The following MAPRE2 variants were observed in gnomAD, a reference collection of about 807,000 sequenced individuals.
MAPRE2 encodes the protein microtubule associated protein RP/EB family member 2.
A neutral mutation model predicts 43.2 loss-of-function variants in MAPRE2; 13 were observed. The observed-to-expected ratio is 0.30, with a 90% CI of 0.20 to 0.48. MAPRE2 has a LOEUF of 0.48. Ranked by LOEUF, MAPRE2 falls within the 20% of genes least tolerant of loss-of-function variation. MAPRE2 has a pLI of 0.99. For missense variants in MAPRE2, 161 were observed against 400.2 expected (o/e 0.40, Z 5.10); for synonymous variants, 135 against 148.8 (o/e 0.91, Z 0.68).
At chr18:35,015,051 C>T (rs1383723438) in intron 2 of MAPRE2, among the ~76,000 whole-genome samples, 1 of 152,156 alleles carries the variant, frequency 6.6e-6, no homozygotes, top group Non-Finnish European at 1.5e-5. Context: ...TGCTGTCTCA[C>T]AGGCCAATGC....
At chr18:35,037,150 G>C (rs1455533595), upstream of MAPRE2, among the ~76,000 whole-genome samples, 1 of 134,148 alleles carries the variant, frequency 7.5e-6, no homozygotes, top group African/African-American at 2.7e-5. Context: ...GTTCCTTGAA[G>C]TGAAAGCCTG....
At chr18:35,122,770 A>C (rs1490027903) in intron 4 of MAPRE2, among the ~76,000 whole-genome samples, 1 of 152,166 alleles carries the variant, frequency 6.6e-6, no homozygotes, top group Non-Finnish European at 1.5e-5. Context: ...TGTGTGTGCC[A>C]GTGGGAAAGC....
rs1910608344 is a variant in MAPRE2, at chr18:35,140,959, A to G, written c.*590A>G. The G allele has an allele frequency of 6.6e-6, 1 of 152,428 alleles. No homozygotes were observed. 9.4% of individuals were successfully genotyped at this position (152,428 alleles called of 1,614,324 possible). ...CTCTACTCACAATACTAAAGGGAAA[A>G]AATGGATTCAAAGCTAGGATTTCAG... On this transcript the variant is annotated 3_prime_UTR_variant, in exon 7 of 7. Transcript: ENST00000300249.
intron 3 of MAPRE2, among the ~76,000 whole-genome samples, chr18:35,098,699 G>A (rs1316381128): frequency 6.6e-6 from 1 of 151,918 alleles, no homozygotes; most frequent in Non-Finnish European, 1.5e-5. Flanking sequence ...AATACCTCTT[G>A]TGTCTTTTTC....
chr18:35,059,861 T>A (rs1906431702), intron 1 of MAPRE2, among the ~76,000 whole-genome samples: 1 of 152,116 alleles, frequency 6.6e-6, no homozygotes, highest in Non-Finnish European at 1.5e-5. Flanking sequence ...CATTTGTTTC[T>A]TATTATGAGA....
chr18:35,062,597 G>A (rs1265864498), intron 1 of MAPRE2, among the ~76,000 whole-genome samples: 1 of 152,178 alleles, frequency 6.6e-6, no homozygotes, highest in Non-Finnish European at 1.5e-5. Flanking sequence ...CCTTGACCTG[G>A]ACCGAGCGAA....
At chr18:35,083,131 A>G (rs1907721246) in intron 2 of MAPRE2, among the ~76,000 whole-genome samples, 2 of 152,204 alleles carry the variant, frequency 1.3e-5, no homozygotes, top group Non-Finnish European at 2.9e-5. Context: ...ATCTTTTCAG[A>G]TTCTTACCTT....
rs1418652037 is a variant in MAPRE2 at position 35,142,817 on chromosome 18, CATT to C, written c.*2452_*2454del. On this transcript the variant is annotated 3_prime_UTR_variant, in exon 7 of 7. Coordinates refer to ENST00000300249, the MANE Select transcript of MAPRE2 (RefSeq NM_014268.4). ...TCATTTCCCATGGATGGTGGGACCC[CATT>C]ATTCTCTCATCTCGGCATTCAGGGA... 1 of 152,154 alleles carries C rather than the reference CATT, an allele frequency of 6.6e-6. No individual in the cohort carries two copies. The highest frequency in any genetic ancestry group is 6.6e-5 in the Admixed American group (1 of 15,266). 9.4% of individuals were successfully genotyped at this position (152,154 alleles called of 1,614,324 possible).
intron 1 of MAPRE2, among the ~76,000 whole-genome samples, chr18:34,995,877 A>G (rs1427274425): frequency 1.3e-5 from 2 of 152,028 alleles, no homozygotes; most frequent in Non-Finnish European, 2.9e-5. Flanking sequence ...GTGCCTTGCA[A>G]CTCAAGGTGT....
At chr18:35,091,639 G>A (rs1474540612) in intron 2 of MAPRE2, among the ~76,000 whole-genome samples, 2 of 152,080 alleles carry the variant, frequency 1.3e-5, no homozygotes, top group Non-Finnish European at 2.9e-5. Flanking sequence ...AATGCTGGAG[G>A]GGACTGCAGC....
intron 1 of MAPRE2, among the ~76,000 whole-genome samples, chr18:34,997,952 T>C (rs529957375): frequency 6.6e-6 from 1 of 152,364 alleles, no homozygotes; most frequent in South Asian, 2.1e-4. Context: ...TATTTTCAAG[T>C]TGTATATGTT....
chr18:35,030,058 C>A (rs1173557320), intron 2 of MAPRE2, among the ~76,000 whole-genome samples: 1 of 152,188 alleles, frequency 6.6e-6, no homozygotes, highest in African/African-American at 2.4e-5. Context: ...TATATAAGGA[C>A]AAGAAAATTA....
intron 2 of MAPRE2, chr18:35,005,604 T>C: frequency 8.9e-7 from 1 of 1,123,598 alleles, no homozygotes; most frequent in Non-Finnish European, 1.3e-6. Context: ...AAAATTAATT[T>C]AAAGTGAGTA....
chr18:35,012,028 T>C (rs2097035048), intron 2 of MAPRE2, among the ~76,000 whole-genome samples: 1 of 152,114 alleles, frequency 6.6e-6, no homozygotes, highest in Non-Finnish European at 1.5e-5. Context: ...ATCTTGGGGT[T>C]CAGTGGGATC....
intron 1 of MAPRE2, among the ~76,000 whole-genome samples, chr18:35,002,782 A>T (rs1403130958): frequency 6.6e-6 from 1 of 152,044 alleles, no homozygotes; most frequent in East Asian, 1.9e-4. Context: ...TTGCATTTTG[A>T]GAATTCTTTA....
At chr18:35,097,643 T>G in intron 3 of MAPRE2, 52 bp downstream of exon 3, 1 of 1,539,266 alleles carries the variant, frequency 6.5e-7, no homozygotes, top group African/African-American at 1.4e-5. Context: ...AAAATTGTTT[T>G]TGTGCATAAA....
At position 35,025,849 on chromosome 18, in the gene MAPRE2, G is replaced by A. The variant is rs148132087; in HGVS notation, c.-8+20296G>A. ...TTCTCTTTGTTTACCAAGTACAGAG[G>A]AAGCTTTGCTTATGCTGATACCAGG... is the stretch of plus-strand genomic sequence containing the variant. On this transcript the variant is annotated intron_variant, in intron 2 of 7. Transcript: ENST00000413393. Among the ~76,000 whole-genome samples the A allele has an allele frequency of 2.1e-3, 320 of 152,264 alleles. 1 individual carries two copies. In the Middle Eastern group the frequency reaches 0.024, roughly 11 times the overall value.
chr18:35,038,222 A>G (rs2097051690), upstream of MAPRE2, among the ~76,000 whole-genome samples: 1 of 152,172 alleles, frequency 6.6e-6, no homozygotes, highest in Non-Finnish European at 1.5e-5. Context: ...TCACAAACTC[A>G]GCCCTCTGAT....
intron 1 of MAPRE2, among the ~76,000 whole-genome samples, chr18:35,068,418 A>G (rs1184963520): frequency 6.6e-6 from 1 of 152,246 alleles, no homozygotes; most frequent in African/African-American, 2.4e-5. Flanking sequence ...AAAAGAACTT[A>G]GAGGCTAGCT....
Sources: allele counts gnomAD v4.1 joint callset (sites outside exome capture counted in the v4.1 genomes callset), GRCh38; gene constraint gnomAD v4.1.1; transcripts MANE v1.5; gene names NCBI Gene and HGNC (gene_info 2026-07-23, HGNC 2026-07-21).